ANKRD22: variants seen among roughly 807,000 people sequenced by gnomAD.
The protein encoded by ANKRD22 is ankyrin repeat domain 22.
In ANKRD22, 24 loss-of-function variants were observed where a neutral mutation model predicts 25.7. The ratio of observed to expected loss-of-function variants is 0.93; its 90% CI spans 0.68 to 1.31. The LOEUF is 1.31. ANKRD22 is among the 50% of genes most tolerant of loss of function. The pLI, the probability that ANKRD22 is intolerant of heterozygous loss-of-function variation, is 0.00. For synonymous variants in ANKRD22, 84 were observed against 84.3 expected (o/e 1.00, Z 0.02); for missense variants, 214 against 227.1 (o/e 0.94, Z 0.37).
At chr10:88,824,079 T>A (rs1279711805) in intron 4 of ANKRD22, among the ~76,000 whole-genome samples, 1 of 152,230 alleles carries the variant, frequency 6.6e-6, no homozygotes, top group Non-Finnish European at 1.5e-5. Flanking sequence ...TTATCCTCTA[T>A]GGTTTTGGTG....
Position 88,827,872 on chromosome 10 carries a change from C to A in ANKRD22, c.321+687G>T, listed in dbSNP as rs75863197. On this transcript the variant is annotated intron_variant, in intron 3 of 5. Coordinates refer to ENST00000371930, the MANE Select transcript of ANKRD22 (RefSeq NM_144590.3). ...CTTGAGTCATGTCTGAGAAGTGGAACTGGGCACAAAGGAAACTAGATGGAT... is the reference window on the plus strand; with the variant it reads ...CTTGAGTCATGTCTGAGAAGTGGAAATGGGCACAAAGGAAACTAGATGGAT... Among the ~76,000 whole-genome samples, 768 of 152,236 alleles carry A rather than the reference C, an allele frequency of 5.0e-3. 10 individuals are homozygous for A. The highest frequency in any genetic ancestry group is 0.018 in the African/African-American group (731 of 41,530).
intron 1 of ANKRD22, among the ~76,000 whole-genome samples, chr10:88,835,116 C>A (rs1843941701): frequency 1.3e-5 from 2 of 152,060 alleles, no homozygotes; most frequent in Non-Finnish European, 2.9e-5. Flanking sequence ...TAACATAGAC[C>A]TCCAGGAGCT....
At position 88,827,852 on chromosome 10, in the gene ANKRD22, G is replaced by C. The variant is rs148334734; in HGVS notation, c.321+707C>G. On this transcript the variant is annotated intron_variant, in intron 3 of 5. Coordinates refer to ENST00000371930, the MANE Select transcript of ANKRD22 (RefSeq NM_144590.3). ...TTAAAGTAAATTATGCATCTCTTGA[G>C]TCATGTCTGAGAAGTGGAACTGGGC... Among the ~76,000 whole-genome samples, 905 of 152,290 alleles carry C rather than the reference G, an allele frequency of 5.9e-3. 7 individuals are homozygous for C. Among genetic ancestry groups the C allele is most frequent in the African/African-American group, 0.02 (844 of 41,540 alleles).
intron 3 of ANKRD22, 147 bp from the exon 4 acceptor site, chr10:88,826,262 A>T (rs1843855234): frequency 1.5e-6 from 1 of 649,718 alleles, no homozygotes. Flanking sequence ...CCAGCTTCTC[A>T]CTCACTCTAA....
At chr10:88,839,127 C>T (rs1003594968) in intron 1 of ANKRD22, among the ~76,000 whole-genome samples, 1 of 152,100 alleles carries the variant, frequency 6.6e-6, no homozygotes, top group African/African-American at 2.4e-5. Context: ...TGTCTTCTGG[C>T]CTTTACACTT....
Position 88,822,242 on chromosome 10 carries a change from A to T in ANKRD22, c.*699T>A, listed in dbSNP as rs1843804111. On this transcript the variant is annotated 3_prime_UTR_variant, in exon 6 of 6. Coordinates refer to ENST00000371930, the MANE Select transcript of ANKRD22 (RefSeq NM_144590.3). Reference sequence around the variant, plus strand: ...TTGCCAATTTCTGTGGTGTAAACACACTCACCGCTGACACTTGATAGATGT... The same window carrying T: ...TTGCCAATTTCTGTGGTGTAAACACTCTCACCGCTGACACTTGATAGATGT... 1 of 152,216 alleles carries T rather than the reference A, an allele frequency of 6.6e-6. No homozygotes were observed. The highest frequency in any genetic ancestry group is 2.4e-5 in the African/African-American group (1 of 41,450). The allele number at this position is 152,216 out of a possible 1,614,324, so 9.4% of individuals were successfully genotyped here.
chr10:88,835,294 T>C (rs1283863404), intron 1 of ANKRD22, among the ~76,000 whole-genome samples: 3 of 152,202 alleles, frequency 2.0e-5, no homozygotes, highest in African/African-American at 7.2e-5. Context: ...TTTCTTAGGC[T>C]TCCTAGATCC....
intron 1 of ANKRD22, among the ~76,000 whole-genome samples, chr10:88,833,300 T>G (rs141584133): frequency 6.1e-4 from 92 of 151,300 alleles, no homozygotes; most frequent in South Asian, 3.3e-3. Context: ...GGCATATGGA[T>G]GGTGCTTAGT....
chr10:88,823,827 C>CAAAAAAAAAAAAAAAAAAAAAA (rs56194758), intron 4 of ANKRD22, among the ~76,000 whole-genome samples: 13 of 103,740 alleles, frequency 1.3e-4, no homozygotes, highest in African/African-American at 5.6e-4. Context: ...GACTCCGTCT[C>CAAAAAAAAAAAAAAAAAAAAAA]AAAAAAAAAA....
Position 88,819,951 on chromosome 10 carries a change from CAA to C in ANKRD22, c.*2988_*2989del. 6.6e-6 allele frequency among the ~76,000 whole-genome samples: 1 copy of C among 152,284 alleles called. No individual in the cohort carries two copies. The highest frequency in any genetic ancestry group is 6.5e-5 in the Admixed American group (1 of 15,304). ...ATTTAATAGGAAGAAAAAAGAAATACAAGGCATTACATGTTTTTATGTGTTTT... is the reference window on the plus strand; with the variant it reads ...ATTTAATAGGAAGAAAAAAGAAATACGGCATTACATGTTTTTATGTGTTTT... On this transcript the variant is annotated 3_prime_UTR_variant, in exon 6 of 6. Coordinates refer to ENST00000371930, the MANE Select transcript of ANKRD22 (RefSeq NM_144590.3).
Position 88,822,900 on chromosome 10 carries a change from CGTT to C in ANKRD22, c.*38_*40del. ...GTCTAAAATGAAGATAGAATCCAGT[CGTT>C]AACTTTTTCTGTATCTCCATCGGTG... On this transcript the variant is annotated 3_prime_UTR_variant, in exon 6 of 6. Transcript: ENST00000371930. 6.5e-7 allele frequency: 1 copy of C among 1,548,176 alleles called. No homozygotes were observed. The highest frequency in any genetic ancestry group is 8.9e-7 in the Non-Finnish European group (1 of 1,123,368).
chr10:88,828,735 T>A (rs1564603157), intron 2 of ANKRD22, 69 bp from the exon 3 acceptor site: 1 of 1,201,754 alleles, frequency 8.3e-7, no homozygotes, highest in African/African-American at 1.5e-5. Context: ...GATGGCCATC[T>A]CAAAAAGTTT....
chr10:88,824,880 G>A (rs1662226691), intron 4 of ANKRD22, among the ~76,000 whole-genome samples: 1 of 152,104 alleles, frequency 6.6e-6, no homozygotes, highest in African/African-American at 2.4e-5. Context: ...ATATTTCAAA[G>A]CTATCTAAAG....
At chr10:88,843,711 A>G (rs184894799) in intron 1 of ANKRD22, among the ~76,000 whole-genome samples, 5 of 152,288 alleles carry the variant, frequency 3.3e-5, no homozygotes, top group African/African-American at 1.2e-4. Context: ...ATCAACTAAC[A>G]TCAAGAATTT....
At chr10:88,832,860 G>A (rs577283856) in intron 1 of ANKRD22, among the ~76,000 whole-genome samples, 4 of 152,152 alleles carry the variant, frequency 2.6e-5, no homozygotes, top group African/African-American at 7.2e-5. Context: ...TCAAAGTTTG[G>A]TTGAACCAAA....
rs1470816605 is a variant in ANKRD22 at position 88,821,866 on chromosome 10, CAGA to C, written c.*1072_*1074del. Among the ~76,000 whole-genome samples, 3 of 152,194 alleles carry C rather than the reference CAGA, an allele frequency of 2.0e-5. No individual in the cohort carries two copies. Among genetic ancestry groups the C allele is most frequent in the East Asian group, 3.8e-4 (2 of 5,202 alleles). ...ATTTATTTCTACTCTGTGTCATTCA[CAGA>C]AGAAGTGAGACAGATATTTTGATAT... On this transcript the variant is annotated 3_prime_UTR_variant, in exon 6 of 6. Transcript: ENST00000371930.
At chr10:88,825,323 C>T (rs964891927) in intron 4 of ANKRD22, among the ~76,000 whole-genome samples, 1 of 152,236 alleles carries the variant, frequency 6.6e-6, no homozygotes, top group Non-Finnish European at 1.5e-5. Flanking sequence ...TTTCTGTGAT[C>T]ATTGAGAAAG....
rs7893917 is a variant in ANKRD22, at chr10:88,826,062, G to A, written c.375C>T (p.Gly125=). The change falls in exon 4 of 6, where the codon GGC becomes GGT. Residue 125 remains glycine (G), a synonymous_variant. Transcript: ENST00000371930. ...CACAATCTGTAGCATTAACTTCGAC[G>A]CCAGCATCAAGTAGCATTCGTACAA... is the stretch of plus-strand genomic sequence containing the variant. ...EALVRMLLDA[G]VEVNATDCYG... 616,490 of 1,608,562 alleles carry A rather than the reference G, an allele frequency of 0.38. 120,550 individuals carry two copies. The highest frequency in any genetic ancestry group is 0.43 in the East Asian group (19,407 of 44,796).
chr10:88,832,344 C>G (rs182146418), intron 1 of ANKRD22, among the ~76,000 whole-genome samples: 1 of 151,792 alleles, frequency 6.6e-6, no homozygotes, highest in South Asian at 2.1e-4. Context: ...GGTAGGTGGG[C>G]CTGTCGGAAA....
Sources: allele counts gnomAD v4.1 joint callset (sites outside exome capture counted in the v4.1 genomes callset), GRCh38; gene constraint gnomAD v4.1.1; transcripts MANE v1.5; gene names NCBI Gene and HGNC (gene_info 2026-07-23, HGNC 2026-07-21).